Variants in ZNF280D observed in about 807,000 individuals in gnomAD.
ZNF280D encodes suppressor of hairy wing homolog 4.
In ZNF280D, 39 loss-of-function variants were observed where a neutral mutation model predicts 94.7. That is an observed-to-expected ratio of 0.41 (90% confidence interval 0.32 to 0.54). The LOEUF is 0.54. Among genes scored for constraint, ZNF280D ranks in the 20% least tolerant of loss-of-function variants. The pLI is 0.22. For missense variants in ZNF280D, 1,090 were observed against 1,149.3 expected, an observed-to-expected ratio of 0.95 and a Z score of 0.75; for synonymous variants, 398 against 377.6, an observed-to-expected ratio of 1.05 and a Z score of -0.63.
Position 56,630,372 on chromosome 15 carries a change from A to G in ZNF280D, c.*1126T>C, listed in dbSNP as rs998424134. The stretch of plus-strand genomic sequence containing the variant: ...TTCAAAGCAAACTACTGTTCTTCAT[A>G]TTATTCATTTCTATATCTATTATAT... On this transcript the variant is annotated 3_prime_UTR_variant, in exon 22 of 22. Transcript: ENST00000267807. 1 of 152,132 alleles carries G rather than the reference A, an allele frequency of 6.6e-6. No individual in the cohort carries two copies. The highest frequency in any genetic ancestry group is 1.5e-5 in the Non-Finnish European group (1 of 67,986). The allele number at this position is 152,132 out of a possible 1,614,324, so 9.4% of individuals were successfully genotyped here. A position where few individuals can be genotyped will look rare whatever the true frequency, so the allele number is the denominator to read the frequency against.
intron 10 of ZNF280D, among the ~76,000 whole-genome samples, chr15:56,682,033 C>A (rs866400987): frequency 5.3e-5 from 8 of 152,054 alleles, no homozygotes; most frequent in Middle Eastern, 3.4e-3. Context: ...ACAGTCTTTT[C>A]TTAAGCTATG....
chr15:56,666,583 A>T, intron 15 of ZNF280D, 48 bp from the exon 16 acceptor site: 1 of 1,531,202 alleles, frequency 6.5e-7, no homozygotes, highest in South Asian at 1.3e-5. Context: ...TAAAACAAAA[A>T]TAATAAGGAA....
At chr15:56,636,446 C>T (rs1179626189) in intron 20 of ZNF280D, among the ~76,000 whole-genome samples, 1 of 151,896 alleles carries the variant, frequency 6.6e-6, no homozygotes, top group Admixed American at 6.6e-5. Context: ...CTATCCCTTC[C>T]CTTACCAAAG....
At chr15:56,653,733 G>A in intron 19 of ZNF280D, 3 of 1,307,010 alleles carry the variant, frequency 2.3e-6, no homozygotes, top group Non-Finnish European at 2.9e-6. Flanking sequence ...ATATAATTTG[G>A]AATCTATTAT....
intron 4 of ZNF280D, among the ~76,000 whole-genome samples, chr15:56,703,873 T>TAAATAAATAAATA (rs35080491): frequency 7.3e-5 from 11 of 151,684 alleles, no homozygotes; most frequent in African/African-American, 2.7e-4. Context: ...AATAAATAAA[T>TAAATAAATAAATA]AATTACTTAA....
chr15:56,667,126 T>G, intron 14 of ZNF280D, 140 bp from the exon 15 acceptor site: 1 of 589,868 alleles, frequency 1.7e-6, no homozygotes, highest in Non-Finnish European at 2.8e-6. Context: ...CTCCCATTTA[T>G]TCTAAATGTT....
chr15:56,666,663 AG>A lies in ZNF280D; in HGVS notation c.1853+15del, dbSNP rs1266187194. ...TTAAGTTTAAATTATATTGTATATC[AG>A]GAATAAAAGATTACCTTAAATTCCT... On this transcript the variant is annotated intron_variant, in intron 15 of 21. Transcript: ENST00000267807. 1.3e-6 allele frequency: 2 copies of A among 1,569,418 alleles called. No individual in the cohort carries two copies. The highest frequency in any genetic ancestry group is 4.0e-5 in the Admixed American group (2 of 50,390).
chr15:56,668,718 G>T, intron 14 of ZNF280D, 105 bp downstream of exon 14: 2 of 1,097,610 alleles, frequency 1.8e-6, no homozygotes, highest in Non-Finnish European at 2.5e-6. Flanking sequence ...TAGAGTCTGA[G>T]CAAAAATCTG....
At position 56,631,276 on chromosome 15, in the gene ZNF280D, C is replaced by T; in HGVS notation, c.*222G>A. On this transcript the variant is annotated 3_prime_UTR_variant, in exon 22 of 22. Transcript: ENST00000267807. ...TGCAAATTTAATTATCATTAAAATC[C>T]TGTTCGTGTTTTTAAAAACTTTTTG... 1 of 453,406 alleles carries T rather than the reference C, an allele frequency of 2.2e-6. No homozygotes were observed. The highest frequency in any genetic ancestry group is 3.9e-6 in the Non-Finnish European group (1 of 255,872). The allele number at this position is 453,406 out of a possible 1,614,324, so 28.1% of individuals were successfully genotyped here.
chr15:56,657,157 A>G (rs1173414554), intron 17 of ZNF280D, among the ~76,000 whole-genome samples: 2 of 151,992 alleles, frequency 1.3e-5, no homozygotes, highest in Admixed American at 6.6e-5. Context: ...ATAAACAAAG[A>G]AAGTTCAAGA....
chr15:56,679,588 A>C (rs1419200740), intron 10 of ZNF280D, among the ~76,000 whole-genome samples: 1 of 152,212 alleles, frequency 6.6e-6, no homozygotes, highest in African/African-American at 2.4e-5. Context: ...AGAGGGTGCA[A>C]TATAAATGGT....
At chr15:56,702,149 T>C (rs2057119514) in intron 4 of ZNF280D, among the ~76,000 whole-genome samples, 1 of 152,126 alleles carries the variant, frequency 6.6e-6, no homozygotes, top group East Asian at 1.9e-4. Context: ...AATATGGTTG[T>C]TTTCTGATAA....
chr15:56,672,450 G>T (rs1021783171), intron 13 of ZNF280D, among the ~76,000 whole-genome samples: 2 of 152,004 alleles, frequency 1.3e-5, no homozygotes, highest in Non-Finnish European at 1.5e-5. Flanking sequence ...TGCGATTTTT[G>T]TCTTTAGTTC....
At chr15:56,719,536 T>C (rs1300303643) in intron 1 of ZNF280D, among the ~76,000 whole-genome samples, 9 of 152,110 alleles carry the variant, frequency 5.9e-5, no homozygotes, top group African/African-American at 2.2e-4. Context: ...AAATAAACCT[T>C]TTTTCTTTAT....
intron 19 of ZNF280D, among the ~76,000 whole-genome samples, chr15:56,650,298 A>C (rs74350390): frequency 0.028 from 4,328 of 152,250 alleles, 195 homozygotes; most frequent in African/African-American, 0.099. Flanking sequence ...AAAGCTCATT[A>C]AATTAGGGGG....
chr15:56,719,823 A>T (rs2058250221), intron 1 of ZNF280D, among the ~76,000 whole-genome samples: 1 of 151,794 alleles, frequency 6.6e-6, no homozygotes. Flanking sequence ...GTGTAGTCTA[A>T]ATGTACAATA....
intron 3 of ZNF280D, among the ~76,000 whole-genome samples, chr15:56,706,284 GGC>G (rs1449350543): frequency 6.7e-6 from 1 of 149,988 alleles, no homozygotes; most frequent in Admixed American, 6.7e-5. Context: ...ATACCAGCCT[GGC>G]CAACATGGTG....
At chr15:56,688,524 T>A (rs1166299919) in intron 9 of ZNF280D, among the ~76,000 whole-genome samples, 1 of 151,116 alleles carries the variant, frequency 6.6e-6, no homozygotes, top group Non-Finnish European at 1.5e-5. Context: ...CAAATTAATT[T>A]ACACAATTAT....
intron 6 of ZNF280D, 175 bp downstream of exon 6, chr15:56,700,758 A>C: frequency 6.7e-7 from 1 of 1,495,374 alleles, no homozygotes; most frequent in Non-Finnish European, 8.9e-7. Flanking sequence ...TCCTTCAGTT[A>C]TTACTTGGGG....
Sources: gnomAD v4.1 joint callset for allele counts (sites outside exome capture counted in the v4.1 genomes callset) on GRCh38, gnomAD v4.1.1 for gene constraint, MANE v1.5 for transcripts, NCBI Gene and HGNC (gene_info 2026-07-23, HGNC 2026-07-21) for gene names.